The following SIRT6 variants were observed in gnomAD, a reference collection of about 807,000 sequenced individuals.
The protein encoded by SIRT6 is sirtuin 6.
Under a neutral mutation model 33.6 loss-of-function variants are expected in SIRT6, and 21 were observed. The observed-to-expected ratio is 0.62, with a 90% CI of 0.44 to 0.90. The LOEUF (loss-of-function observed/expected upper bound fraction) is 0.90. Ranked by LOEUF, SIRT6 falls within the 40% of genes least tolerant of loss-of-function variation. SIRT6 has a pLI of 0.00. For synonymous variants in SIRT6, 221 were observed against 223.9 expected (o/e 0.99, Z 0.12); for missense variants, 504 against 510.6 (o/e 0.99, Z 0.12).
At chr19:4,176,197 G>A (rs904020038) in intron 4 of SIRT6, among the ~76,000 whole-genome samples, 5 of 152,218 alleles carry the variant, frequency 3.3e-5, no homozygotes, top group Admixed American at 1.3e-4. Flanking sequence ...ATGGGATCCC[G>A]GACCAGGAGA....
At chr19:4,182,416 G>A in intron 1 of SIRT6, 58 bp downstream of exon 1, 2 of 1,543,750 alleles carry the variant, frequency 1.3e-6, no homozygotes, top group African/African-American at 2.8e-5. Context: ...CCTGCCATCC[G>A]GCCGCTCCCA....
chr19:4,182,555 G>C lies in SIRT6; in HGVS notation c.-16C>G. 6.2e-7 allele frequency: 1 copy of C among 1,607,164 alleles called. No homozygotes were observed. Reference sequence around the variant, plus strand: ...TCACCGACATCCTCGACTGCCCCACGGGAACAATAAAGTTTCCCTTGTTGA... The same window carrying C: ...TCACCGACATCCTCGACTGCCCCACCGGAACAATAAAGTTTCCCTTGTTGA... On this transcript the variant is annotated 5_prime_UTR_variant, in exon 1 of 8. Coordinates refer to ENST00000337491, the MANE Select transcript of SIRT6 (RefSeq NM_016539.4).
In SIRT6 at chr19:4,179,039, C is replaced by A. The variant is rs1160302210; in HGVS notation, c.377+65G>T. On this transcript the variant is annotated intron_variant, in intron 3 of 7. Coordinates refer to ENST00000337491, the MANE Select transcript of SIRT6 (RefSeq NM_016539.4). ...GAACCAGGAAAAGGGGACTCTCCCC[C>A]TAAAAATGCAAACACGGTTTGTGGG... 2.5e-6 allele frequency: 4 copies of A among 1,572,090 alleles called. No homozygotes were observed. In the African/African-American group the frequency reaches 5.4e-5, roughly 21 times the overall value.
chr19:4,177,462 C>G (rs1288634138), intron 3 of SIRT6, among the ~76,000 whole-genome samples: 1 of 152,008 alleles, frequency 6.6e-6, no homozygotes, highest in Non-Finnish European at 1.5e-5. Flanking sequence ...TTGATGTCAC[C>G]AGGTCAGAAG....
rs201141490 is a variant in SIRT6 at position 4,174,761 on chromosome 19, G to A, written c.924C>T (p.Asn308=). The change falls in exon 8 of 8, where the codon AAC becomes AAT. Residue 308 remains asparagine (N), a synonymous_variant. Coordinates refer to ENST00000337491, the MANE Select transcript of SIRT6 (RefSeq NM_016539.4). The surrounding 1 kb of genome is among the most constrained non-coding windows in gnomAD (Gnocchi z 4.2). ...EPKEESPTRI[N]GSIPAGPKQE... ...GCTTGGGGCCGGCGGGGATAGAGCC[G>A]TTGATCCGGGTGGGAGATTCCTCCT... 5.2e-4 allele frequency: 767 copies of A among 1,487,572 alleles called. 2 individuals are homozygous for A. The highest frequency in any genetic ancestry group is 3.2e-3 in the Middle Eastern group (14 of 4,328). 92.1% of individuals were successfully genotyped at this position (1,487,572 alleles called of 1,614,324 possible).
At chr19:4,177,888 C>A (rs956096685) in intron 3 of SIRT6, among the ~76,000 whole-genome samples, 3 of 152,086 alleles carry the variant, frequency 2.0e-5, no homozygotes, top group Non-Finnish European at 2.9e-5. Flanking sequence ...CTGTACCCAG[C>A]CTAATTTTTC....
intron 2 of SIRT6, 63 bp from the exon 3 acceptor site, chr19:4,179,349 G>T: frequency 6.8e-7 from 1 of 1,481,228 alleles, no homozygotes; most frequent in South Asian, 1.3e-5. Context: ...GACAGAGGGA[G>T]AATCAGAGAG....
intron 1 of SIRT6, chr19:4,182,260 C>T: frequency 3.8e-6 from 2 of 532,724 alleles, no homozygotes; most frequent in South Asian, 4.8e-5. Context: ...TCCCCTCTCT[C>T]CCCGATCAGC....
rs3736412 is a variant in SIRT6 at position 4,177,117 on chromosome 19, G to A, written c.399C>T (p.His133=). ...GFPRDKLAEL[H]GNMFVEECAK... is the part of the protein sequence containing the mutation. ...CACATTCTTCCACAAACATGTTCCC[G>A]TGGAGCTCTGCCAGTTTGTCCCTGT... The change falls in exon 4 of 8, where the codon CAC becomes CAT. Residue 133 remains histidine (H), a synonymous_variant. Coordinates refer to ENST00000337491, the MANE Select transcript of SIRT6 (RefSeq NM_016539.4). The A allele has an allele frequency of 1.2e-4, 200 of 1,613,900 alleles. No individual in the cohort carries two copies. The East Asian group carries it at 3.3e-3, about 27-fold the overall frequency.
chr19:4,180,626 T>C (rs528803652), intron 2 of SIRT6, 156 bp downstream of exon 2: 462 of 903,030 alleles, frequency 5.1e-4, no homozygotes, highest in Non-Finnish European at 4.8e-4. Context: ...TGATCCACCA[T>C]GCCCAGCCAA....
Position 4,175,733 on chromosome 19 carries a change from G to A in SIRT6, c.561C>T (p.Asp187=), listed in dbSNP as rs200563428. Residue 187 remains aspartate, a synonymous_variant, in exon 6 of 8, where the codon GAC becomes GAT. Transcript: ENST00000337491. ...CCCGGTCGGGCAGGGAGTCCTCCCAGTCTAGGATGGTGTCCCTCAGCTCTC... is the reference window on the plus strand; with the variant it reads ...CCCGGTCGGGCAGGGAGTCCTCCCAATCTAGGATGGTGTCCCTCAGCTCTC... ...CRGELRDTIL[D]WEDSLPDRDL... is the part of the protein sequence containing the mutation. 115 of 1,586,730 alleles carry A rather than the reference G, an allele frequency of 7.2e-5. No individual in the cohort carries two copies. The highest frequency in any genetic ancestry group is 1.1e-5 in the Non-Finnish European group (13 of 1,166,498).
In SIRT6 at chr19:4,175,732, A is replaced by C. The variant is rs1235535109; in HGVS notation, c.562T>G (p.Trp188Gly). The C allele has an allele frequency of 6.3e-7, 1 of 1,586,426 alleles. No homozygotes were observed. The highest frequency in any genetic ancestry group is 1.2e-5 in the South Asian group (1 of 86,870). The stretch of plus-strand genomic sequence containing the variant: ...TCCCGGTCGGGCAGGGAGTCCTCCC[A>C]GTCTAGGATGGTGTCCCTCAGCTCT... ...RGELRDTILD[W>G]EDSLPDRDLA... The change falls in exon 6 of 8, where the codon TGG becomes GGG. Residue 188 changes from tryptophan to glycine, a missense_variant. Physicochemically the swap from Trp to Gly is radical, Grantham distance 184 (BLOSUM62 -2). Transcript: ENST00000337491.
chr19:4,174,388 T>G lies in SIRT6; in HGVS notation c.*229A>C. ...ACACAGCAAGTCAGAGGCTGGGGTGTGGCAGGGGCTCACCTGTCACCTCTG... is the reference window on the plus strand; with the variant it reads ...ACACAGCAAGTCAGAGGCTGGGGTGGGGCAGGGGCTCACCTGTCACCTCTG... On this transcript the variant is annotated 3_prime_UTR_variant, in exon 8 of 8. Transcript: ENST00000337491. This position sits in a 1 kb window ranked among gnomAD's most constrained non-coding sequence, Gnocchi z 4.2. 3 of 409,726 alleles carry G rather than the reference T, an allele frequency of 7.3e-6. No homozygotes were observed. Among genetic ancestry groups the G allele is most frequent in the South Asian group, 8.6e-5 (1 of 11,608 alleles). 25.4% of individuals were successfully genotyped at this position (409,726 alleles called of 1,614,324 possible). A position where few individuals can be genotyped will look rare whatever the true frequency, so the allele number is the denominator to read the frequency against.
At chr19:4,181,418 T>C (rs1967656201) in intron 1 of SIRT6, among the ~76,000 whole-genome samples, 1 of 152,214 alleles carries the variant, frequency 6.6e-6, no homozygotes, top group Admixed American at 6.5e-5. Context: ...TTAATCTGTG[T>C]TGCTCCTGGC....
intron 2 of SIRT6, chr19:4,179,628 T>G (rs1967509389): frequency 3.1e-6 from 1 of 318,082 alleles, no homozygotes; most frequent in African/African-American, 2.2e-5. Context: ...ACACTGCTGC[T>G]GCAATGAGCC....
intron 1 of SIRT6, chr19:4,182,209 A>G (rs990115010): frequency 6.2e-6 from 3 of 483,852 alleles, no homozygotes; most frequent in Non-Finnish European, 7.3e-6. Context: ...GTTTATTCCC[A>G]CCTCCCTTTG....
rs1413715601 is a variant in SIRT6 at position 4,182,507 on chromosome 19, C to A, written c.33G>T (p.Pro11=). The stretch of plus-strand genomic sequence containing the variant: ...GGCCGCACTTGCCCTTGTCCGCGTA[C>A]GGCGACAGCCCCGCCGCGTAATTCA... The part of the protein sequence containing the change: MSVNYAAGLS[P]YADKGKCGLP... Residue 11 remains proline (P), a synonymous_variant, in exon 1 of 8, where the codon CCG becomes CCT. Coordinates refer to ENST00000337491, the MANE Select transcript of SIRT6 (RefSeq NM_016539.4). 1 of 1,611,164 alleles carries A rather than the reference C, an allele frequency of 6.2e-7. No homozygotes were observed. Among genetic ancestry groups the A allele is most frequent in the Admixed American group, 1.7e-5 (1 of 59,842 alleles).
At chr19:4,175,309 C>A (rs1013923769) in intron 6 of SIRT6, 158 bp from the exon 7 acceptor site, 7 of 986,658 alleles carry the variant, frequency 7.1e-6, no homozygotes, top group Non-Finnish European at 1.0e-5. Flanking sequence ...GCCCTGCCCT[C>A]CTCTGCGGTC....
Position 4,175,978 on chromosome 19 carries a change from T to A in SIRT6, c.438-41A>T, listed in dbSNP as rs1442215882. 6 of 1,527,634 alleles carry A rather than the reference T, an allele frequency of 3.9e-6. No individual in the cohort carries two copies. The East Asian group carries it at 1.5e-4, about 37-fold the overall frequency. The allele number at this position is 1,527,634 out of a possible 1,614,324, so 94.6% of individuals were successfully genotyped here. On this transcript the variant is annotated intron_variant, in intron 4 of 7. Transcript: ENST00000337491. Reference sequence around the variant, plus strand: ...AGGGGGAGGATGGGACCAGGTGAGCTCCCATGGGTGACTCTCGCACTGTTT... The same window carrying A: ...AGGGGGAGGATGGGACCAGGTGAGCACCCATGGGTGACTCTCGCACTGTTT...
Sources: allele counts gnomAD v4.1 joint callset (sites outside exome capture counted in the v4.1 genomes callset), GRCh38; gene constraint gnomAD v4.1.1; non-coding constraint Gnocchi (gnomAD v3.1); transcripts MANE v1.5; gene names NCBI Gene and HGNC (gene_info 2026-07-23, HGNC 2026-07-21).